Variants in CACNA1D observed in about 807,000 individuals in gnomAD.
CACNA1D encodes the protein calcium voltage-gated channel subunit alpha1 D, also known as voltage-dependent L-type calcium channel subunit alpha-1D.
In CACNA1D, 55 loss-of-function variants were observed where a neutral mutation model predicts 257.1. The ratio of observed to expected loss-of-function variants is 0.21; its 90% CI spans 0.17 to 0.27. The LOEUF is 0.27. Among genes scored for constraint, CACNA1D ranks in the 10% least tolerant of loss-of-function variants. The probability of loss-of-function intolerance (pLI) is 1.00; values close to 1 mark genes in which losing one functional copy is unlikely to be tolerated. For missense variants in CACNA1D, 1,876 were observed against 2,784.0 expected (o/e 0.67, Z 7.34); for synonymous variants, 980 against 1,014.9 (o/e 0.97, Z 0.65).
In CACNA1D at chr3:53,789,183, C is replaced by T. The variant is rs750740474; in HGVS notation, c.4923+2231C>T. 5.3e-5 allele frequency among the ~76,000 whole-genome samples: 8 copies of T among 152,184 alleles called. No homozygotes were observed. Among genetic ancestry groups the T allele is most frequent in the Non-Finnish European group, 1.0e-4 (7 of 68,034 alleles). ...AGAGTTTCATTTTATTGATGAAATG[C>T]AAACATTTCCAGTTAGATGATACCA... is the stretch of plus-strand genomic sequence containing the variant. On this transcript the variant is annotated intron_variant, in intron 40 of 47. Coordinates refer to ENST00000350061, the MANE Select transcript of CACNA1D (RefSeq NM_001128840.3). The surrounding 1 kb of genome is among the most constrained non-coding windows in gnomAD (Gnocchi z 4.2).
intron 3 of CACNA1D, among the ~76,000 whole-genome samples, chr3:53,561,259 AG>A (rs1178196029): frequency 6.6e-6 from 1 of 152,216 alleles, no homozygotes; most frequent in Non-Finnish European, 1.5e-5. Context: ...TGTACAAAAA[AG>A]CCATGTCAAT....
chr3:53,660,934 G>A lies in CACNA1D; in HGVS notation c.766+659G>A, dbSNP rs112773221. 1.7e-4 allele frequency among the ~76,000 whole-genome samples: 26 copies of A among 152,328 alleles called. 1 individual carries two copies. Among genetic ancestry groups the A allele is most frequent in the African/African-American group, 5.3e-4 (22 of 41,588 alleles). On this transcript the variant is annotated intron_variant, in intron 5 of 47. Coordinates refer to ENST00000350061, the MANE Select transcript of CACNA1D (RefSeq NM_001128840.3). ...GTGGGTGAGAGAGAGAGTTTTAGCC[G>A]TTAGGCCCTACCATACCACTCAGTG...
At chr3:53,686,825 A>G (rs528339220) in intron 8 of CACNA1D, among the ~76,000 whole-genome samples, 1 of 152,216 alleles carries the variant, frequency 6.6e-6, no homozygotes, top group Non-Finnish European at 1.5e-5. Flanking sequence ...GATAAAAGGC[A>G]GAAAGATTGG....
chr3:53,617,016 CT>C (rs2093644456), intron 3 of CACNA1D, among the ~76,000 whole-genome samples: 1 of 152,122 alleles, frequency 6.6e-6, no homozygotes, highest in Admixed American at 6.6e-5. Context: ...CTGGGCCTTG[CT>C]TCCAGATGCT....
chr3:53,787,726 A>G (rs1327179041), intron 40 of CACNA1D, among the ~76,000 whole-genome samples: 1 of 152,084 alleles, frequency 6.6e-6, no homozygotes, highest in Non-Finnish European at 1.5e-5. Context: ...GGAAGGCACC[A>G]TGAGGACCAG....
At chr3:53,720,091 C>T (rs1236784093) in intron 11 of CACNA1D, among the ~76,000 whole-genome samples, 1 of 152,134 alleles carries the variant, frequency 6.6e-6, no homozygotes, top group East Asian at 1.9e-4. Context: ...CGAAAGCTTT[C>T]CATAGAAAGG....
At chr3:53,582,341 G>A (rs574149336) in intron 3 of CACNA1D, among the ~76,000 whole-genome samples, 2 of 152,152 alleles carry the variant, frequency 1.3e-5, no homozygotes, top group East Asian at 3.9e-4. Context: ...AGAGAGAGAG[G>A]GGACATTATA....
In CACNA1D at chr3:53,793,535, C is replaced by T. The variant is rs554594498; in HGVS notation, c.4923+6583C>T. 1.4e-4 allele frequency among the ~76,000 whole-genome samples: 22 copies of T among 152,322 alleles called. No homozygotes were observed. In the East Asian group the frequency reaches 4.2e-3, roughly 29 times the overall value. On this transcript the variant is annotated intron_variant, in intron 40 of 47. Transcript: ENST00000350061. The surrounding 1 kb of genome is among the most constrained non-coding windows in gnomAD (Gnocchi z 4.1). ...GGCCCCAAGCGATTCAAGTGGGCGG[C>T]GTTTCCATGTGCCTTCTCCACGCTC...
At chr3:53,534,220 G>T (rs151280086) in intron 3 of CACNA1D, among the ~76,000 whole-genome samples, 1 of 152,354 alleles carries the variant, frequency 6.6e-6, no homozygotes, top group South Asian at 2.1e-4. Context: ...CAGAAGTGGC[G>T]TGGTGGGTAG....
chr3:53,714,650 G>A (rs1245463515), intron 9 of CACNA1D, among the ~76,000 whole-genome samples: 2 of 152,104 alleles, frequency 1.3e-5, no homozygotes, highest in Admixed American at 1.3e-4. Context: ...GTTGATTTGT[G>A]GAATTTTAAG....
chr3:53,717,501 C>T (rs1029566887), intron 9 of CACNA1D, among the ~76,000 whole-genome samples: 1 of 152,232 alleles, frequency 6.6e-6, no homozygotes, highest in African/African-American at 2.4e-5. Context: ...GACCTCCACA[C>T]ACTAGTGGGC....
chr3:53,706,210 A>G (rs1210803001), intron 9 of CACNA1D, among the ~76,000 whole-genome samples: 2 of 152,232 alleles, frequency 1.3e-5, no homozygotes, highest in African/African-American at 4.8e-5. Flanking sequence ...ATGTGAGTTG[A>G]GCAGTTTCCT....
chr3:53,718,006 C>T (rs1454288964), intron 9 of CACNA1D, among the ~76,000 whole-genome samples: 1 of 152,190 alleles, frequency 6.6e-6, no homozygotes, highest in Non-Finnish European at 1.5e-5. Context: ...GTGCTATACC[C>T]AGCCACAGGA....
chr3:53,696,961 G>A (rs964209343), intron 8 of CACNA1D, among the ~76,000 whole-genome samples: 4 of 152,158 alleles, frequency 2.6e-5, no homozygotes, highest in African/African-American at 9.7e-5. Flanking sequence ...GAGCAGAGAG[G>A]GAAGCAAGCT....
At chr3:53,539,769 A>G (rs1232641607) in intron 3 of CACNA1D, among the ~76,000 whole-genome samples, 1 of 152,200 alleles carries the variant, frequency 6.6e-6, no homozygotes, top group Non-Finnish European at 1.5e-5. Flanking sequence ...TCAGACTTTA[A>G]CATTTCTGTT....
intron 35 of CACNA1D, 34 bp from the exon 36 acceptor site, chr3:53,776,569 G>A (rs751351569): frequency 6.2e-7 from 1 of 1,613,916 alleles, no homozygotes; most frequent in African/African-American, 1.3e-5. Context: ...TCCAGCTGCA[G>A]CTGAAGTTCT....
chr3:53,757,753 T>A (rs2095274627), intron 29 of CACNA1D, among the ~76,000 whole-genome samples: 1 of 152,228 alleles, frequency 6.6e-6, no homozygotes, highest in African/African-American at 2.4e-5. Flanking sequence ...GCTAGACCTT[T>A]CCCTGCCCAT....
chr3:53,701,990 T>G (rs950293034), intron 8 of CACNA1D, among the ~76,000 whole-genome samples: 7 of 152,136 alleles, frequency 4.6e-5, no homozygotes, highest in Non-Finnish European at 1.0e-4. Context: ...ACAGTAATGC[T>G]TCATCAGTGC....
rs2090801676 is a variant in CACNA1D at position 53,505,441 on chromosome 3, C to T, written c.483+3721C>T. ...ACATCTTTATCCTCTGGAGCGTCTT[C>T]AAAATACAGTTAATAGTGAAGCATT... On this transcript the variant is annotated intron_variant, in intron 3 of 47. Transcript: ENST00000350061. 1.3e-5 allele frequency among the ~76,000 whole-genome samples: 2 copies of T among 152,158 alleles called. 1 individual carries two copies. Among genetic ancestry groups the T allele is most frequent in the South Asian group, 4.1e-4 (2 of 4,826 alleles).
Sources: gnomAD v4.1 joint callset for allele counts (sites outside exome capture counted in the v4.1 genomes callset) on GRCh38, gnomAD v4.1.1 for gene constraint, Gnocchi (gnomAD v3.1) non-coding constraint, MANE v1.5 for transcripts, NCBI Gene and HGNC (gene_info 2026-07-23, HGNC 2026-07-21) for gene names.